Variants in PREX1 observed in about 807,000 individuals in gnomAD.
The protein encoded by PREX1 is phosphatidylinositol 3,4,5-trisphosphate-dependent Rac exchanger 1 protein.
Under a neutral mutation model 198.3 loss-of-function variants are expected in PREX1, and 41 were observed. The observed-to-expected ratio is 0.21, with a 90% CI of 0.16 to 0.27. The LOEUF is 0.27. PREX1 is among the 10% of genes least tolerant of loss of function. The probability of loss-of-function intolerance (pLI) is 1.00; values close to 1 mark genes in which losing one functional copy is unlikely to be tolerated. For synonymous variants in PREX1, 843 were observed against 887.2 expected, an observed-to-expected ratio of 0.95 and a Z score of 0.89; for missense variants, 1,620 against 2,200.7, an observed-to-expected ratio of 0.74 and a Z score of 5.28.
chr20:48,843,392 T>C, the PREX1 span, among the ~76,000 whole-genome samples: 1 of 152,094 alleles, frequency 6.6e-6, no homozygotes, highest in Non-Finnish European at 1.5e-5. Flanking sequence ...TATTTTCTAC[T>C]AGAAAGGAAG....
At chr20:48,686,300 G>A (rs1462570660) in intron 10 of PREX1, among the ~76,000 whole-genome samples, 1 of 152,196 alleles carries the variant, frequency 6.6e-6, no homozygotes. Context: ...GGGGTAGCAG[G>A]ATCACACACC....
intron 14 of PREX1, among the ~76,000 whole-genome samples, chr20:48,672,552 A>G (rs2089682554): frequency 2.0e-5 from 3 of 152,232 alleles, no homozygotes; most frequent in Admixed American, 6.5e-5. Context: ...CCAGGAGTGG[A>G]CACAGCCTGG....
chr20:48,678,145 T>G (rs919314511), intron 13 of PREX1, among the ~76,000 whole-genome samples: 1 of 151,960 alleles, frequency 6.6e-6, no homozygotes, highest in Non-Finnish European at 1.5e-5. Flanking sequence ...GAAACCCCAC[T>G]TCTACTAAAA....
At chr20:48,755,803 G>A (rs2090153882) in intron 1 of PREX1, among the ~76,000 whole-genome samples, 1 of 152,104 alleles carries the variant, frequency 6.6e-6, no homozygotes, top group African/African-American at 2.4e-5. Flanking sequence ...ACTGACAGAG[G>A]GGCATTCTAA....
At chr20:48,726,883 TGCA>T (rs1305877969) in intron 4 of PREX1, among the ~76,000 whole-genome samples, 1 of 152,252 alleles carries the variant, frequency 6.6e-6, no homozygotes, top group East Asian at 1.9e-4. Context: ...TCAGTCTGTT[TGCA>T]GCAGATTTAT....
intron 35 of PREX1, among the ~76,000 whole-genome samples, chr20:48,631,639 A>G (rs1237235788): frequency 6.6e-6 from 1 of 152,120 alleles, no homozygotes; most frequent in Non-Finnish European, 1.5e-5. Context: ...TCATTCTCTC[A>G]TTTCCAAATG....
intron 4 of PREX1, among the ~76,000 whole-genome samples, chr20:48,728,394 A>G (rs1198526220): frequency 6.6e-6 from 1 of 152,264 alleles, no homozygotes; most frequent in Admixed American, 6.5e-5. Flanking sequence ...CGTGGCACGA[A>G]GAGCTGGCCC....
chr20:48,787,296 A>G (rs1325388383), intron 1 of PREX1, among the ~76,000 whole-genome samples: 2 of 152,106 alleles, frequency 1.3e-5, no homozygotes, highest in African/African-American at 4.8e-5. Flanking sequence ...GAATACATAA[A>G]TCTCATAATC....
At chr20:48,739,015 C>A (rs538110455) in intron 3 of PREX1, among the ~76,000 whole-genome samples, 6 of 152,308 alleles carry the variant, frequency 3.9e-5, no homozygotes, top group African/African-American at 1.2e-4. Context: ...GACCACACTA[C>A]TCCCGTGCTT....
chr20:48,836,422 G>A, the PREX1 span, among the ~76,000 whole-genome samples: 9 of 152,190 alleles, frequency 5.9e-5, no homozygotes, highest in African/African-American at 1.9e-4. Flanking sequence ...GAACAGGGGT[G>A]AGGGACAGTT....
the PREX1 span, among the ~76,000 whole-genome samples, chr20:48,868,001 G>A: frequency 6.6e-6 from 1 of 151,764 alleles, no homozygotes; most frequent in Non-Finnish European, 1.5e-5. Flanking sequence ...GAGCCACTGT[G>A]CCACTCATTA....
the PREX1 span, among the ~76,000 whole-genome samples, chr20:48,866,204 AC>A: frequency 6.6e-6 from 1 of 152,088 alleles, no homozygotes; most frequent in Non-Finnish European, 1.5e-5. Flanking sequence ...CTCTGGCTAA[AC>A]TTTTAATTTT....
At chr20:48,846,314 G>A in the PREX1 span, among the ~76,000 whole-genome samples, 7 of 152,144 alleles carry the variant, frequency 4.6e-5, no homozygotes, top group Non-Finnish European at 8.8e-5. Context: ...ATAATTTCAC[G>A]GCGGAGAGGA....
At chr20:48,823,153 T>C (rs928751809) in intron 1 of PREX1, among the ~76,000 whole-genome samples, 6 of 152,184 alleles carry the variant, frequency 3.9e-5, no homozygotes, top group African/African-American at 1.4e-4. Flanking sequence ...ACTCCCATCC[T>C]GGTCGGTTCC....
intron 1 of PREX1, among the ~76,000 whole-genome samples, chr20:48,763,920 C>A (rs1474065693): frequency 6.6e-6 from 1 of 152,198 alleles, no homozygotes; most frequent in South Asian, 2.1e-4. Context: ...TCATCCTAGA[C>A]AATCTCATCT....
At chr20:48,808,082 C>T (rs959022539) in intron 1 of PREX1, among the ~76,000 whole-genome samples, 2 of 152,120 alleles carry the variant, frequency 1.3e-5, no homozygotes, top group African/African-American at 2.4e-5. Flanking sequence ...GCACTGTTGT[C>T]GGAACATTCT....
chr20:48,776,529 GA>G (rs987892454), intron 1 of PREX1, among the ~76,000 whole-genome samples: 7 of 152,238 alleles, frequency 4.6e-5, no homozygotes, highest in Admixed American at 1.3e-4. Flanking sequence ...CGGGGCTGGG[GA>G]CAGAGTTTCT....
chr20:48,647,184 C>A (rs543085784), intron 25 of PREX1, among the ~76,000 whole-genome samples: 12 of 152,040 alleles, frequency 7.9e-5, no homozygotes, highest in Non-Finnish European at 1.8e-4. Flanking sequence ...AACCTATGAT[C>A]ACACCATCAC....
the PREX1 span, among the ~76,000 whole-genome samples, chr20:48,847,039 G>A: frequency 6.6e-6 from 1 of 152,164 alleles, no homozygotes; most frequent in African/African-American, 2.4e-5. Context: ...TCATCAGCCT[G>A]GGATAGGTTC....
Sources: allele counts gnomAD v4.1 joint callset (sites outside exome capture counted in the v4.1 genomes callset), GRCh38; gene constraint gnomAD v4.1.1; transcripts MANE v1.5; gene names NCBI Gene and HGNC (gene_info 2026-07-23, HGNC 2026-07-21).